Variants in HLA-DPB1 observed in about 807,000 individuals in gnomAD.
HLA-DPB1 encodes the protein HLA class II histocompatibility antigen, DP beta 1 chain.
HLA-DPB1 carries 30 observed loss-of-function variants against 29.4 expected under a neutral mutation model. The observed-to-expected ratio is 1.02, with a 90% confidence interval of 0.76 to 1.38. The LOEUF (loss-of-function observed/expected upper bound fraction) is 1.38, where lower values mean the gene tolerates loss of function less well. Among genes scored for constraint, HLA-DPB1 ranks in the 40% most tolerant of loss-of-function variants. The pLI is 0.00. For synonymous variants in HLA-DPB1, 114 were observed against 134.0 expected, an observed-to-expected ratio of 0.85 and a Z score of 1.03; for missense variants, 261 against 327.5, an observed-to-expected ratio of 0.80 and a Z score of 1.57.
At chr6:33,083,100 A>G (rs9277393) in intron 2 of HLA-DPB1, among the ~76,000 whole-genome samples, 57,882 of 152,132 alleles carry the variant, frequency 0.38, 12,455 homozygotes, top group East Asian at 0.64. Flanking sequence ...TGTAATGGAC[A>G]TTGAGTTAAC....
intron 2 of HLA-DPB1, among the ~76,000 whole-genome samples, chr6:33,082,938 C>A (rs1402262568): frequency 6.6e-6 from 1 of 152,194 alleles, no homozygotes; most frequent in Non-Finnish European, 1.5e-5. Context: ...CTGCTCCTGT[C>A]AAAGAATATT....
rs927221926 is a variant in HLA-DPB1, at chr6:33,077,020, T to C, written c.100+879T>C. Among the ~76,000 whole-genome samples, 3 of 151,652 alleles carry C rather than the reference T, an allele frequency of 2.0e-5. No individual in the cohort carries two copies. In the East Asian group the frequency reaches 5.8e-4, roughly 30 times the overall value. ...GTGCCATGTTGGTGTGCTGCACCCA[T>C]TAACTCGTCATTTACATTAGGTATA... On this transcript the variant is annotated intron_variant, in intron 1 of 5. Coordinates refer to ENST00000418931, the MANE Select transcript of HLA-DPB1 (RefSeq NM_002121.6).
At chr6:33,076,506 C>G (rs946021756) in intron 1 of HLA-DPB1, among the ~76,000 whole-genome samples, 1 of 152,174 alleles carries the variant, frequency 6.6e-6, no homozygotes, top group African/African-American at 2.4e-5. Flanking sequence ...GGAGGGGACT[C>G]AGGCAGAGAG....
At position 33,080,936 on chromosome 6, in the gene HLA-DPB1, G is replaced by T; in HGVS notation, c.364+1G>T. On this transcript the variant is annotated splice_donor_variant, in intron 2 of 5. Coordinates refer to ENST00000418931, the MANE Select transcript of HLA-DPB1 (RefSeq NM_002121.6). LOFTEE classifies it high-confidence loss of function. The surrounding 1 kb of genome is among the most constrained non-coding windows in gnomAD (Gnocchi z 4.3). ...GGGCCCATGACCCTGCAGCGCCGAG[G>T]TGAGTGAGGGCTTTGGGCCGGCGGT... The T allele has an allele frequency of 6.3e-7, 1 of 1,583,270 alleles. No individual in the cohort carries two copies. Among genetic ancestry groups the T allele is most frequent in the Non-Finnish European group, 8.6e-7 (1 of 1,165,756 alleles).
chr6:33,082,664 G>A (rs9277382), intron 2 of HLA-DPB1, among the ~76,000 whole-genome samples: 56,778 of 151,682 alleles, frequency 0.37, 12,052 homozygotes, highest in East Asian at 0.63. Context: ...TGCAATCAAG[G>A]CATGAGTTAG....
At chr6:33,077,621 T>TG (rs1408578886) in intron 1 of HLA-DPB1, among the ~76,000 whole-genome samples, 2 of 152,136 alleles carry the variant, frequency 1.3e-5, no homozygotes, top group Non-Finnish European at 2.9e-5. Context: ...TGTAAACTAG[T>TG]TCAACCATTG....
chr6:33,080,444 T>C lies in HLA-DPB1; in HGVS notation c.101-228T>C. On this transcript the variant is annotated intron_variant, in intron 1 of 5. Transcript: ENST00000418931. This position sits in a 1 kb window ranked among gnomAD's most constrained non-coding sequence, Gnocchi z 4.3. Reference sequence around the variant, plus strand: ...CTCCCTAGTGATCACTCAGTGCCCCTGAGCTCATTCTTTTCAGTAAATTCT... The same window carrying C: ...CTCCCTAGTGATCACTCAGTGCCCCCGAGCTCATTCTTTTCAGTAAATTCT... 1.4e-6 allele frequency: 1 copy of C among 715,842 alleles called. No homozygotes were observed. Among genetic ancestry groups the C allele is most frequent in the Non-Finnish European group, 2.5e-6 (1 of 392,158 alleles). 44.3% of individuals were successfully genotyped at this position (715,842 alleles called of 1,614,324 possible). A position where few individuals can be genotyped will look rare whatever the true frequency, so the allele number is the denominator to read the frequency against.
Position 33,085,078 on chromosome 6 carries a change from G to C in HLA-DPB1, c.493G>C (p.Glu165Gln). 1 of 1,613,866 alleles carries C rather than the reference G, an allele frequency of 6.2e-7. No homozygotes were observed. The highest frequency in any genetic ancestry group is 2.2e-5 in the East Asian group (1 of 44,876). The change falls in exon 3 of 6, where the codon GAA (glutamate) becomes CAA (glutamine). Residue 165 changes from glutamate (E) to glutamine (Q), a missense_variant. Transcript: ENST00000418931. Reference sequence around the variant, plus strand: ...CCGATGGTTCCTGAATGGACAGGAGGAAACAGCTGGGGTCGTGTCCACCAA... The same window carrying C: ...CCGATGGTTCCTGAATGGACAGGAGCAAACAGCTGGGGTCGTGTCCACCAA... Reference protein sequence around the residue: ...QVRWFLNGQEETAGVVSTNLI... With the variant: ...QVRWFLNGQEQTAGVVSTNLI...
chr6:33,081,607 A>G lies in HLA-DPB1; in HGVS notation c.364+672A>G, dbSNP rs9378177. Reference sequence around the variant, plus strand: ...GCGGTGCCAGTGACTTGGGAAGGTCAGAAAACAGAAGATGGAAAGTGGGTT... The same window carrying G: ...GCGGTGCCAGTGACTTGGGAAGGTCGGAAAACAGAAGATGGAAAGTGGGTT... On this transcript the variant is annotated intron_variant, in intron 2 of 5. Coordinates refer to ENST00000418931, the MANE Select transcript of HLA-DPB1 (RefSeq NM_002121.6). Among the ~76,000 whole-genome samples the G allele has an allele frequency of 0.031, 4,784 of 152,256 alleles. 588 individuals are homozygous for G. The East Asian group carries it at 0.44, about 14-fold the overall frequency.
intron 3 of HLA-DPB1, 101 bp downstream of exon 3, chr6:33,085,332 C>A: frequency 1.9e-6 from 2 of 1,034,008 alleles, no homozygotes; most frequent in African/African-American, 1.7e-5. Flanking sequence ...ACCCTGGGGC[C>A]ATGTCCAAAC....
chr6:33,089,036 A>G lies in HLA-DPB1; in HGVS notation c.*2502A>G, dbSNP rs1053415630. ...GGGTACCCTAAGAAGAAATCATCTC[A>G]CCCTCTCTTTGTCCCCATTTGTCAA... On this transcript the variant is annotated 3_prime_UTR_variant, in exon 6 of 6. Transcript: ENST00000418931. Among the ~76,000 whole-genome samples, 5 of 151,914 alleles carry G rather than the reference A, an allele frequency of 3.3e-5. No individual in the cohort carries two copies. The highest frequency in any genetic ancestry group is 1.2e-4 in the African/African-American group (5 of 41,300).
chr6:33,085,255 A>C, intron 3 of HLA-DPB1, 24 bp downstream of exon 3: 1 of 1,566,964 alleles, frequency 6.4e-7, no homozygotes, highest in East Asian at 2.3e-5. Flanking sequence ...GACCCTCTAG[A>C]CCCCACCTCT....
Position 33,084,610 on chromosome 6 carries a change from C to A in HLA-DPB1, c.365-340C>A, listed in dbSNP as rs191510457. Reference sequence around the variant, plus strand: ...AAGTGCTCCTAGAGAACCAGGCTGACCAACATGGAGAAACCTTGTCTCTAC... The same window carrying A: ...AAGTGCTCCTAGAGAACCAGGCTGAACAACATGGAGAAACCTTGTCTCTAC... On this transcript the variant is annotated intron_variant, in intron 2 of 5. Transcript: ENST00000418931. Among the ~76,000 whole-genome samples the A allele has an allele frequency of 6.6e-4, 101 of 152,094 alleles. 1 individual carries two copies. The highest frequency in any genetic ancestry group is 2.1e-3 in the South Asian group (10 of 4,812).
chr6:33,086,395 T>C (rs1323297062), intron 5 of HLA-DPB1, 144 bp from the exon 6 acceptor site: 2 of 765,294 alleles, frequency 2.6e-6, no homozygotes, highest in Non-Finnish European at 4.8e-6. Context: ...GGAAAGAGCA[T>C]TGCTTGGCTC....
chr6:33,085,118 G>C lies in HLA-DPB1; in HGVS notation c.533G>C (p.Gly178Ala), dbSNP rs756011172. Residue 178 changes from glycine (G) to alanine (A), a missense_variant, in exon 3 of 6, where the codon GGA (glycine) becomes GCA (alanine). By Grantham distance (60) the Gly-to-Ala change is moderately conservative. Coordinates refer to ENST00000418931, the MANE Select transcript of HLA-DPB1 (RefSeq NM_002121.6). ...GVVSTNLIRN[G>A]DWTFQILVML... ...GTGTCCACCAACCTGATCCGTAATG[G>C]AGACTGGACCTTCCAGATCCTGGTG... 6.2e-7 allele frequency: 1 copy of C among 1,613,846 alleles called. No individual in the cohort carries two copies. Among genetic ancestry groups the C allele is most frequent in the Non-Finnish European group, 8.5e-7 (1 of 1,180,020 alleles).
chr6:33,080,339 C>A lies in HLA-DPB1; in HGVS notation c.101-333C>A. The A allele has an allele frequency of 2.0e-6, 1 of 507,132 alleles. No homozygotes were observed. Among genetic ancestry groups the A allele is most frequent in the Non-Finnish European group, 3.9e-6 (1 of 259,240 alleles). The allele number at this position is 507,132 out of a possible 1,614,324, so 31.4% of individuals were successfully genotyped here. On this transcript the variant is annotated intron_variant, in intron 1 of 5. Transcript: ENST00000418931. This position sits in a 1 kb window ranked among gnomAD's most constrained non-coding sequence, Gnocchi z 4.3. ...CCAGCTCCTCCCGCCCCTGTTTTTT[C>A]TCCCAGTGACCCCACGTGAAACGTC...
At chr6:33,081,424 A>G (rs58467645) in intron 2 of HLA-DPB1, among the ~76,000 whole-genome samples, 5,212 of 152,036 alleles carry the variant, frequency 0.034, 155 homozygotes, top group African/African-American at 0.08. Flanking sequence ...CAGGGGGAAG[A>G]GCAAAGGACC....
rs1763190577 is a variant in HLA-DPB1, at chr6:33,088,024, A to G, written c.*1490A>G. Among the ~76,000 whole-genome samples the G allele has an allele frequency of 6.6e-6, 1 of 151,836 alleles. No homozygotes were observed. The highest frequency in any genetic ancestry group is 1.5e-5 in the Non-Finnish European group (1 of 68,034). The stretch of plus-strand genomic sequence containing the variant: ...TTTGCGTAGTAATTTCAGCTGTCAC[A>G]TAATAAGCTAAGGAAGACAGTATAT... On this transcript the variant is annotated 3_prime_UTR_variant, in exon 6 of 6. Transcript: ENST00000418931.
chr6:33,086,201 T>G lies in HLA-DPB1; in HGVS notation c.758-18T>G. The stretch of plus-strand genomic sequence containing the variant: ...GGTTTCAATGGCTGATTATATAACC[T>G]TTCGTCTTTCATTTCAGTTCAACGA... On this transcript the variant is annotated intron_variant, in intron 4 of 5. Transcript: ENST00000418931. The G allele has an allele frequency of 6.4e-7, 1 of 1,563,678 alleles. No individual in the cohort carries two copies. The highest frequency in any genetic ancestry group is 8.8e-7 in the Non-Finnish European group (1 of 1,136,620).
Sources: gnomAD v4.1 joint callset for allele counts (sites outside exome capture counted in the v4.1 genomes callset) on GRCh38, gnomAD v4.1.1 for gene constraint, Gnocchi (gnomAD v3.1) non-coding constraint, MANE v1.5 for transcripts, NCBI Gene and HGNC (gene_info 2026-07-23, HGNC 2026-07-21) for gene names.